Variants in ST6GALNAC3 observed in about 807,000 individuals in gnomAD.
ST6GALNAC3 encodes the protein alpha-N-acetylgalactosaminide alpha-2,6-sialyltransferase 3.
A neutral mutation model predicts 32.7 loss-of-function variants in ST6GALNAC3; 25 were observed. The ratio of observed to expected loss-of-function variants is 0.76; its 90% CI spans 0.56 to 1.07. The LOEUF (loss-of-function observed/expected upper bound fraction) is 1.07, where lower values mean the gene tolerates loss of function less well. Ranked by LOEUF, ST6GALNAC3 falls within the 50% of genes least tolerant of loss-of-function variation. ST6GALNAC3 has a pLI of 0.00. For synonymous variants in ST6GALNAC3, 129 were observed against 133.1 expected, an observed-to-expected ratio of 0.97 and a Z score of 0.21; for missense variants, 355 against 382.4, an observed-to-expected ratio of 0.93 and a Z score of 0.60.
chr1:76,299,615 T>C (rs758213211), intron 1 of ST6GALNAC3, among the ~76,000 whole-genome samples: 7 of 152,032 alleles, frequency 4.6e-5, no homozygotes, highest in Non-Finnish European at 8.8e-5. Context: ...AGTTAAAATA[T>C]TAAGATCCAG....
rs563672602 is a variant in ST6GALNAC3, at chr1:76,249,585, G to A, written c.19-64220G>A. 7.9e-5 allele frequency among the ~76,000 whole-genome samples: 12 copies of A among 152,052 alleles called. No homozygotes were observed. In the East Asian group the frequency reaches 1.5e-3, roughly 20 times the overall value. On this transcript the variant is annotated intron_variant, in intron 1 of 4. Transcript: ENST00000328299. Reference sequence around the variant, plus strand: ...TAATAATGTTGCTATGAACATTTATGTACAGGTTTTGTGTATATATGTGTC... The same window carrying A: ...TAATAATGTTGCTATGAACATTTATATACAGGTTTTGTGTATATATGTGTC...
chr1:76,164,104 A>G (rs943728240), intron 1 of ST6GALNAC3, among the ~76,000 whole-genome samples: 1 of 152,220 alleles, frequency 6.6e-6, no homozygotes, highest in Non-Finnish European at 1.5e-5. Flanking sequence ...AAATGTCACT[A>G]AATTCTAGAT....
chr1:76,623,084 A>G (rs148685778), intron 3 of ST6GALNAC3, among the ~76,000 whole-genome samples: 66 of 152,048 alleles, frequency 4.3e-4, no homozygotes, highest in Admixed American at 1.6e-3. Context: ...TATCCATGTG[A>G]TGGCCTTTCG....
chr1:76,254,447 C>T lies in ST6GALNAC3; in HGVS notation c.19-59358C>T, dbSNP rs574860493. ...GTGATAGGAGAAAATGACAATTACT[C>T]TCCTCTTGTGTTTCCATTTTTGGTA... is the stretch of plus-strand genomic sequence containing the variant. On this transcript the variant is annotated intron_variant, in intron 1 of 4. Coordinates refer to ENST00000328299, the MANE Select transcript of ST6GALNAC3 (RefSeq NM_152996.4). 3.8e-4 allele frequency among the ~76,000 whole-genome samples: 58 copies of T among 152,246 alleles called. No homozygotes were observed. In the South Asian group the frequency reaches 0.012, roughly 30 times the overall value.
chr1:76,623,255 T>C (rs1648756743), intron 3 of ST6GALNAC3, among the ~76,000 whole-genome samples: 1 of 151,948 alleles, frequency 6.6e-6, no homozygotes, highest in South Asian at 2.1e-4. Flanking sequence ...TAAATTTAAG[T>C]AGTTTCCAAG....
chr1:76,266,963 G>T (rs1658566380), intron 1 of ST6GALNAC3, among the ~76,000 whole-genome samples: 1 of 152,202 alleles, frequency 6.6e-6, no homozygotes, highest in Non-Finnish European at 1.5e-5. Context: ...CTCGGGTCTT[G>T]TTGAGAGGCA....
At chr1:76,221,730 A>G (rs563933583) in intron 1 of ST6GALNAC3, among the ~76,000 whole-genome samples, 13 of 152,112 alleles carry the variant, frequency 8.5e-5, no homozygotes, top group Non-Finnish European at 1.3e-4. Context: ...ATTTTTTTCC[A>G]CACTCAAGAA....
chr1:76,207,793 A>G (rs1353373196), intron 1 of ST6GALNAC3, among the ~76,000 whole-genome samples: 1 of 152,270 alleles, frequency 6.6e-6, no homozygotes, highest in Non-Finnish European at 1.5e-5. Context: ...ATTCAAATTG[A>G]TGGTAAATAA....
chr1:76,549,857 C>T (rs1262558270), intron 3 of ST6GALNAC3, among the ~76,000 whole-genome samples: 1 of 152,148 alleles, frequency 6.6e-6, no homozygotes, highest in African/African-American at 2.4e-5. Flanking sequence ...TTGGTATCAT[C>T]AGACAGATCT....
intron 3 of ST6GALNAC3, among the ~76,000 whole-genome samples, chr1:76,583,288 C>A (rs567043210): frequency 6.6e-6 from 1 of 152,284 alleles, no homozygotes; most frequent in Non-Finnish European, 1.5e-5. Context: ...CTGTTTGAAA[C>A]CATAATGGCC....
At chr1:76,234,426 T>C (rs1656534710) in intron 1 of ST6GALNAC3, among the ~76,000 whole-genome samples, 1 of 152,244 alleles carries the variant, frequency 6.6e-6, no homozygotes, top group African/African-American at 2.4e-5. Context: ...ACTGAGTCTT[T>C]TCCAGTGGGA....
At chr1:76,424,757 A>C (rs1557875487) in intron 3 of ST6GALNAC3, among the ~76,000 whole-genome samples, 1 of 151,910 alleles carries the variant, frequency 6.6e-6, no homozygotes, top group Non-Finnish European at 1.5e-5. Flanking sequence ...TATTGGCTTC[A>C]CCTATTCAAG....
chr1:76,315,066 T>C lies in ST6GALNAC3; in HGVS notation c.213+1067T>C, dbSNP rs1041539987. On this transcript the variant is annotated intron_variant, in intron 2 of 4. Coordinates refer to ENST00000328299, the MANE Select transcript of ST6GALNAC3 (RefSeq NM_152996.4). ...TGTATCTGCAGGATTTACAGGCCTT[T>C]ATTAGAATTTTATAGTTGAAAAAAA... 4.0e-5 allele frequency among the ~76,000 whole-genome samples: 6 copies of C among 151,386 alleles called. 1 individual carries two copies. The South Asian group carries it at 1.3e-3, about 32-fold the overall frequency.
intron 1 of ST6GALNAC3, among the ~76,000 whole-genome samples, chr1:76,114,449 GA>G (rs1400845884): frequency 6.6e-6 from 1 of 152,162 alleles, no homozygotes; most frequent in African/African-American, 2.4e-5. Context: ...CTCAGCAATA[GA>G]GTGATTTTCT....
At chr1:76,257,293 A>G (rs904810411) in intron 1 of ST6GALNAC3, among the ~76,000 whole-genome samples, 7 of 152,156 alleles carry the variant, frequency 4.6e-5, no homozygotes, top group African/African-American at 1.7e-4. Context: ...TAGGAATTAC[A>G]TTGCTGAGAA....
intron 3 of ST6GALNAC3, among the ~76,000 whole-genome samples, chr1:76,619,291 C>T (rs1166290502): frequency 1.3e-5 from 2 of 152,072 alleles, no homozygotes; most frequent in East Asian, 3.9e-4. Flanking sequence ...AAGCTCAATA[C>T]ATTTAACGTT....
chr1:76,250,040 C>A (rs1477193374), intron 1 of ST6GALNAC3, among the ~76,000 whole-genome samples: 1 of 151,968 alleles, frequency 6.6e-6, no homozygotes, highest in African/African-American at 2.4e-5. Context: ...CATTTTCTTC[C>A]ATTTTATGTT....
At chr1:76,502,093 C>T (rs1415311764) in intron 3 of ST6GALNAC3, among the ~76,000 whole-genome samples, 1 of 152,214 alleles carries the variant, frequency 6.6e-6, no homozygotes, top group Non-Finnish European at 1.5e-5. Flanking sequence ...AAATATCTTT[C>T]TCAGAGCCCC....
chr1:76,460,404 A>G (rs575314072), intron 3 of ST6GALNAC3, among the ~76,000 whole-genome samples: 14 of 152,332 alleles, frequency 9.2e-5, no homozygotes, highest in African/African-American at 3.4e-4. Flanking sequence ...TGGAAATCAC[A>G]CAACTTGGGA....
Sources: allele counts gnomAD v4.1 joint callset (sites outside exome capture counted in the v4.1 genomes callset), GRCh38; gene constraint gnomAD v4.1.1; transcripts MANE v1.5; gene names NCBI Gene and HGNC (gene_info 2026-07-23, HGNC 2026-07-21).